EIF4E2: variants seen among roughly 807,000 people sequenced by gnomAD.
EIF4E2 encodes eukaryotic translation initiation factor 4E type 2.
A neutral mutation model predicts 34.2 loss-of-function variants in EIF4E2; 13 were observed. The observed-to-expected ratio is 0.38, with a 90% CI of 0.25 to 0.60. The LOEUF is 0.60. Among genes scored for constraint, EIF4E2 ranks in the 20% least tolerant of loss-of-function variants. The pLI is 0.62. For synonymous variants in EIF4E2, 100 were observed against 106.6 expected, an observed-to-expected ratio of 0.94 and a Z score of 0.38; for missense variants, 222 against 315.1, an observed-to-expected ratio of 0.70 and a Z score of 2.24.
chr2:232,561,891 A>G (rs1656401), intron 3 of EIF4E2, among the ~76,000 whole-genome samples: 46,018 of 151,634 alleles, frequency 0.3, 7,466 homozygotes, highest in Admixed American at 0.41. Context: ...TTTGGTTTCA[A>G]TTAGAACTGT....
chr2:232,568,546 G>A, intron 6 of EIF4E2: 4 of 985,388 alleles, frequency 4.1e-6, no homozygotes, highest in Non-Finnish European at 4.8e-6. Flanking sequence ...CCTGTTTCTA[G>A]GATTCTCGTT....
chr2:232,573,480 T>C (rs1693138351), downstream of EIF4E2, among the ~76,000 whole-genome samples: 1 of 152,128 alleles, frequency 6.6e-6, no homozygotes, highest in African/African-American at 2.4e-5. Flanking sequence ...TCCAGAAGCA[T>C]AGGGGGTCTG....
At position 232,566,311 on chromosome 2, in the gene EIF4E2, C is replaced by T. The variant is rs1037313145; in HGVS notation, c.376-518C>T. Among the ~76,000 whole-genome samples the T allele has an allele frequency of 6.6e-6, 1 of 152,090 alleles. No individual in the cohort carries two copies. The highest frequency in any genetic ancestry group is 1.5e-5 in the Non-Finnish European group (1 of 68,012). On this transcript the variant is annotated intron_variant, in intron 4 of 6. Transcript: ENST00000258416. The surrounding 1 kb of genome is among the most constrained non-coding windows in gnomAD (Gnocchi z 4.9). ...ACGCCATTCTCCCGCCTCAGCCTCC[C>T]GAGTAGCTGGGACTACAGGCGCCCA...
chr2:232,550,822 G>T, intron 1 of EIF4E2, 78 bp downstream of exon 1: 1 of 1,369,288 alleles, frequency 7.3e-7, no homozygotes, highest in Admixed American at 2.7e-5. Flanking sequence ...GGCTGGGGCG[G>T]CGCAAACCCT....
At chr2:232,551,339 CCTAA>C in intron 1 of EIF4E2, 1 of 468,338 alleles carries the variant, frequency 2.1e-6, no homozygotes, top group Non-Finnish European at 4.4e-6. Context: ...CTCGCCAAGA[CCTAA>C]GTATACTTGT....
chr2:232,567,712 T>C, intron 6 of EIF4E2: 1 of 994,416 alleles, frequency 1.0e-6, no homozygotes, highest in Non-Finnish European at 1.2e-6. Context: ...GGGGATAGTG[T>C]GTGTGTGAGA....
intron 3 of EIF4E2, among the ~76,000 whole-genome samples, chr2:232,562,294 A>G (rs1692752456): frequency 6.6e-6 from 1 of 152,152 alleles, no homozygotes; most frequent in African/African-American, 2.4e-5. Flanking sequence ...AAGATTGTGC[A>G]GTGGGGCTGG....
intron 2 of EIF4E2, among the ~76,000 whole-genome samples, chr2:232,556,904 G>A (rs1692543376): frequency 6.6e-6 from 1 of 152,170 alleles, no homozygotes; most frequent in South Asian, 2.1e-4. Context: ...ACTTGGAAAA[G>A]GGAAAACTTA....
At chr2:232,580,879 A>G (rs1377139653) in intron 6 of EIF4E2, 9 of 1,542,058 alleles carry the variant, frequency 5.8e-6, no homozygotes, top group Admixed American at 3.9e-5. Flanking sequence ...TGAACACTCT[A>G]TTTTCTCCCA....
chr2:232,557,649 G>A, intron 2 of EIF4E2: 1 of 484,974 alleles, frequency 2.1e-6, no homozygotes, highest in Non-Finnish European at 3.7e-6. Context: ...TATTATATGA[G>A]GGAGAAAGTT....
At chr2:232,569,227 TG>T, downstream of EIF4E2, 1 of 1,404,532 alleles carries the variant, frequency 7.1e-7, no homozygotes, top group East Asian at 2.6e-5. Flanking sequence ...CTCATGCTCT[TG>T]CTCTTTATGG....
At chr2:232,572,340 T>C (rs1030863964), downstream of EIF4E2, among the ~76,000 whole-genome samples, 1 of 152,094 alleles carries the variant, frequency 6.6e-6, no homozygotes, top group Non-Finnish European at 1.5e-5. Flanking sequence ...ACTGATTCCA[T>C]GTGAAGAAAT....
Position 232,557,829 on chromosome 2 carries a change from A to G in EIF4E2, c.136-55A>G, listed in dbSNP as rs1000827363. ...GATTGACACTGCAAAATGTTCTCTC[A>G]GTCTCAGACCACGTGACAAATGCCC... is the stretch of plus-strand genomic sequence containing the variant. On this transcript the variant is annotated intron_variant, in intron 2 of 6. Transcript: ENST00000258416. The G allele has an allele frequency of 1.2e-5, 19 of 1,585,276 alleles. No individual in the cohort carries two copies. The Admixed American group carries it at 1.6e-4, about 13-fold the overall frequency.
intron 3 of EIF4E2, among the ~76,000 whole-genome samples, chr2:232,563,223 T>G (rs2106244325): frequency 6.6e-6 from 1 of 152,312 alleles, no homozygotes; most frequent in South Asian, 2.1e-4. Flanking sequence ...GGCCAGTACT[T>G]ACTACGTATC....
At position 232,556,493 on chromosome 2, in the gene EIF4E2, C is replaced by T. The variant is rs377735542; in HGVS notation, c.98C>T (p.Thr33Met). The T allele has an allele frequency of 5.0e-5, 81 of 1,613,372 alleles. No individual in the cohort carries two copies. Among genetic ancestry groups the T allele is most frequent in the Middle Eastern group, 3.3e-4 (2 of 6,062 alleles). The change falls in exon 2 of 7, where the codon ACG becomes ATG. Residue 33 changes from threonine to methionine, a missense_variant. By Grantham distance (81) the Thr-to-Met change is moderately conservative. This residue lies in a region of EIF4E2 where 87 missense variants were observed against 93.6 expected (regional missense o/e 0.93). Transcript: ENST00000258416. ...STQKDGEKEKTERDKNQSSSK... is the reference protein window; with the variant it reads ...STQKDGEKEKMERDKNQSSSK... ...CAGAAAGATGGTGAGAAGGAAAAAA[C>T]GGAACGAGACAAGAATCAGAGCAGT... is the stretch of plus-strand genomic sequence containing the variant.
At chr2:232,575,238 C>G (rs1693182410) in intron 6 of EIF4E2, among the ~76,000 whole-genome samples, 1 of 152,238 alleles carries the variant, frequency 6.6e-6, no homozygotes, top group African/African-American at 2.4e-5. Flanking sequence ...AGACCTGCAT[C>G]CCTCCCGTGG....
At chr2:232,568,355 C>T (rs1478830011) in intron 6 of EIF4E2, 11 of 985,294 alleles carry the variant, frequency 1.1e-5, no homozygotes, top group Non-Finnish European at 1.2e-5. Flanking sequence ...CATGATCAAA[C>T]GGCTGGCATG....
chr2:232,581,029 C>A lies in EIF4E2; in HGVS notation c.*86C>A. On this transcript the variant is annotated 3_prime_UTR_variant, in exon 7 of 7. Transcript: ENST00000409098. This position sits in a 1 kb window ranked among gnomAD's most constrained non-coding sequence, Gnocchi z 5.2. ...AGGCCTCCAGCCAGTCCTTCCATTG[C>A]TCACTGAAGGGACGTCCCTGAGCCG... 7.4e-7 allele frequency: 1 copy of A among 1,348,100 alleles called. No homozygotes were observed. The highest frequency in any genetic ancestry group is 1.0e-6 in the Non-Finnish European group (1 of 962,106). 83.5% of individuals were successfully genotyped at this position (1,348,100 alleles called of 1,614,324 possible). A position where few individuals can be genotyped will look rare whatever the true frequency, so the allele number is the denominator to read the frequency against.
At chr2:232,550,866 G>A in intron 1 of EIF4E2, 122 bp downstream of exon 1, 2 of 981,634 alleles carry the variant, frequency 2.0e-6, no homozygotes, top group Non-Finnish European at 1.5e-6. Flanking sequence ...ATCCGGCTGC[G>A]GCCGGACCTG....
Sources: allele counts gnomAD v4.1 joint callset (sites outside exome capture counted in the v4.1 genomes callset), GRCh38; gene constraint gnomAD v4.1.1; regional missense constraint gnomAD v4.1.1; non-coding constraint Gnocchi (gnomAD v3.1); transcripts MANE v1.5; gene names NCBI Gene and HGNC (gene_info 2026-07-23, HGNC 2026-07-21).